ATXN2: variants seen among roughly 807,000 people sequenced by gnomAD.
ATXN2 encodes ataxin 2.
ATXN2 carries 37 observed loss-of-function variants against 138.6 expected under a neutral mutation model. The observed-to-expected ratio is 0.27, with a 90% confidence interval of 0.21 to 0.35. ATXN2 has a LOEUF of 0.35. ATXN2 is among the 10% of genes least tolerant of loss of function. ATXN2 has a pLI of 1.00. For missense variants in ATXN2, 1,216 were observed against 1,480.3 expected (o/e 0.82, Z 2.93); for synonymous variants, 549 against 543.7 (o/e 1.01, Z -0.13).
chr12:111,551,562 G>A (rs536496881), intron 5 of ATXN2, among the ~76,000 whole-genome samples: 2 of 152,086 alleles, frequency 1.3e-5, no homozygotes, highest in Admixed American at 1.3e-4. Context: ...TTAGACAATT[G>A]TTTTCTACCA....
intron 24 of ATXN2, 74 bp from the exon 25 acceptor site, chr12:111,452,914 A>G: frequency 7.7e-7 from 1 of 1,299,396 alleles, no homozygotes; most frequent in African/African-American, 1.6e-5. Context: ...TCTGCAGCAC[A>G]TGATTGTAAA....
At position 111,472,208 on chromosome 12, in the gene ATXN2, G is replaced by A. The variant is rs1038585159; in HGVS notation, c.2525-1466C>T. On this transcript the variant is annotated intron_variant, in intron 18 of 24. Coordinates refer to ENST00000673436, the MANE Select transcript of ATXN2 (RefSeq NM_001372574.1). ...TTTCAGCCAGGGAGGCAGATGCCGC[G>A]GTAAGCCGTAACTGCACCACTGCAC... is the stretch of plus-strand genomic sequence containing the variant. 3.7e-4 allele frequency among the ~76,000 whole-genome samples: 57 copies of A among 152,206 alleles called. 1 individual carries two copies. Among genetic ancestry groups the A allele is most frequent in the South Asian group, 6.2e-4 (3 of 4,820 alleles).
At chr12:111,521,695 G>A (rs912572723) in intron 6 of ATXN2, among the ~76,000 whole-genome samples, 4 of 152,112 alleles carry the variant, frequency 2.6e-5, no homozygotes, top group Admixed American at 6.6e-5. Flanking sequence ...CTCAGCATAG[G>A]TAACTCCACA....
intron 21 of ATXN2, among the ~76,000 whole-genome samples, chr12:111,462,555 C>T (rs1258087381): frequency 6.6e-6 from 1 of 152,192 alleles, no homozygotes; most frequent in Admixed American, 6.5e-5. Flanking sequence ...TAAAAGGCAA[C>T]TTGACCAAAC....
intron 14 of ATXN2, among the ~76,000 whole-genome samples, chr12:111,506,902 G>C (rs897410944): frequency 2.0e-5 from 3 of 152,162 alleles, no homozygotes; most frequent in Non-Finnish European, 4.4e-5. Flanking sequence ...CTAACCGCGA[G>C]TGATCTGCCA....
intron 18 of ATXN2, among the ~76,000 whole-genome samples, chr12:111,483,656 CA>C (rs1877431348): frequency 6.6e-6 from 1 of 151,746 alleles, no homozygotes; most frequent in Admixed American, 6.6e-5. Context: ...CACACCTGGC[CA>C]AAAGATTTCC....
intron 1 of ATXN2, among the ~76,000 whole-genome samples, chr12:111,570,606 G>A (rs1374510024): frequency 6.6e-6 from 1 of 151,824 alleles, no homozygotes; most frequent in African/African-American, 2.4e-5. Context: ...AACTCTTCCC[G>A]CCTGGAACTT....
chr12:111,513,638 C>A, intron 10 of ATXN2, 99 bp from the exon 11 acceptor site: 1 of 971,196 alleles, frequency 1.0e-6, no homozygotes, highest in Non-Finnish European at 1.4e-6. Flanking sequence ...CACACACACT[C>A]ACTCACTCTA....
At chr12:111,492,636 T>TTGCG (rs1878117257) in intron 14 of ATXN2, among the ~76,000 whole-genome samples, 1 of 151,304 alleles carries the variant, frequency 6.6e-6, no homozygotes, top group Admixed American at 6.6e-5. Flanking sequence ...GAGCAAAGAC[T>TTGCG]GTGCCACTGC....
At chr12:111,491,764 A>C (rs1182904130) in intron 14 of ATXN2, among the ~76,000 whole-genome samples, 1 of 152,204 alleles carries the variant, frequency 6.6e-6, no homozygotes, top group Non-Finnish European at 1.5e-5. Context: ...GTATTGTGCC[A>C]GCTTCAGATA....
rs574109062 is a variant in ATXN2, at chr12:111,503,587, T to A, written c.1935+5962A>T. 1.4e-3 allele frequency among the ~76,000 whole-genome samples: 210 copies of A among 152,056 alleles called. 1 individual carries two copies. Among genetic ancestry groups the A allele is most frequent in the Non-Finnish European group, 2.6e-3 (174 of 67,952 alleles). ...ATTAAAATTTAAGTTCTGGGACACA[T>A]ATTTTTTTTTTCCACTCTCTTTTTT... On this transcript the variant is annotated intron_variant, in intron 14 of 24. Transcript: ENST00000673436.
At chr12:111,569,439 A>G (rs1332126924) in intron 1 of ATXN2, among the ~76,000 whole-genome samples, 2 of 151,946 alleles carry the variant, frequency 1.3e-5, no homozygotes, top group African/African-American at 2.4e-5. Context: ...AGTAAAGGAG[A>G]AAAAAAAGGC....
At chr12:111,533,119 T>C (rs1016499831) in intron 5 of ATXN2, among the ~76,000 whole-genome samples, 1 of 152,216 alleles carries the variant, frequency 6.6e-6, no homozygotes, top group African/African-American at 2.4e-5. Context: ...TTCCGAGTGA[T>C]GACACAGTCA....
chr12:111,497,200 A>G (rs984121815), intron 14 of ATXN2, among the ~76,000 whole-genome samples: 1 of 152,180 alleles, frequency 6.6e-6, no homozygotes, highest in African/African-American at 2.4e-5. Flanking sequence ...AAGTAACGAG[A>G]CCAATAACAA....
rs1429978760 is a variant in ATXN2, at chr12:111,457,347, G to A, written c.2909C>T (p.Ser970Phe). 1 of 1,608,748 alleles carries A rather than the reference G, an allele frequency of 6.2e-7. No homozygotes were observed. The highest frequency in any genetic ancestry group is 8.5e-7 in the Non-Finnish European group (1 of 1,178,096). The change falls in exon 22 of 25, where the codon TCC (serine) becomes TTC (phenylalanine). Residue 970 changes from serine (S) to phenylalanine (F), a missense_variant. This residue lies in a region of ATXN2 where 490 missense variants were observed against 653.5 expected (regional missense o/e 0.75). Coordinates refer to ENST00000673436, the MANE Select transcript of ATXN2 (RefSeq NM_001372574.1). ...PSFYFAISTG[S>F]LAQQYAHPNA... ...AGGGTGCGCATACTGCTGAGCAAGG[G>A]AGCCCGTGGAAACTAAAGTGAAAGA...
chr12:111,541,268 T>C (rs974960751), intron 5 of ATXN2, among the ~76,000 whole-genome samples: 1 of 149,822 alleles, frequency 6.7e-6, no homozygotes, highest in Non-Finnish European at 1.5e-5. Context: ...ATTAAAGTGC[T>C]ATATTGCATA....
chr12:111,598,960 CTG>C lies in ATXN2; in HGVS notation c.73_74del (p.Gln25AlafsTer64). 2 of 1,500,508 alleles carry C rather than the reference CTG, an allele frequency of 1.3e-6. No homozygotes were observed. The highest frequency in any genetic ancestry group is 1.8e-6 in the Non-Finnish European group (2 of 1,128,006). The allele number at this position is 1,500,508 out of a possible 1,614,324, so 92.9% of individuals were successfully genotyped here. A position where few individuals can be genotyped will look rare whatever the true frequency, so the allele number is the denominator to read the frequency against. On this transcript the variant is annotated frameshift_variant, in exon 1 of 25. Coordinates refer to ENST00000673436, the MANE Select transcript of ATXN2 (RefSeq NM_001372574.1). LOFTEE classifies it high-confidence loss of function. This position sits in a 1 kb window ranked among gnomAD's most constrained non-coding sequence, Gnocchi z 4.5. The stretch of plus-strand genomic sequence containing the variant: ...CAGCCGCGGGCGGCGGCTGCTGCTG[CTG>C]CTGCTGCTGCTGCTGTTGCTGCTGC... The part of the protein sequence containing the change: ...QQQQQQQQQQ[Q>X]QQQPPPAAAN...
At chr12:111,464,746 C>T (rs1223776593) in intron 20 of ATXN2, 31 bp from the exon 21 acceptor site, 1 of 1,571,924 alleles carries the variant, frequency 6.4e-7, no homozygotes, top group Non-Finnish European at 8.7e-7. Flanking sequence ...GGTAAATTAG[C>T]CTTTTGAGGT....
At chr12:111,528,161 TAGA>T (rs1880605083) in intron 5 of ATXN2, among the ~76,000 whole-genome samples, 1 of 152,220 alleles carries the variant, frequency 6.6e-6, no homozygotes, top group Non-Finnish European at 1.5e-5. Context: ...TTTATTTAGA[TAGA>T]AGCTCAGTAT....
Sources: allele counts gnomAD v4.1 joint callset (sites outside exome capture counted in the v4.1 genomes callset), GRCh38; gene constraint gnomAD v4.1.1; regional missense constraint gnomAD v4.1.1; non-coding constraint Gnocchi (gnomAD v3.1); transcripts MANE v1.5; gene names NCBI Gene and HGNC (gene_info 2026-07-23, HGNC 2026-07-21).